The following RBFOX3 variants were observed in gnomAD, a reference collection of about 807,000 sequenced individuals.
The protein encoded by RBFOX3 is RNA binding fox-1 homolog 3.
In RBFOX3, 17 loss-of-function variants were observed where a neutral mutation model predicts 48.7. The ratio of observed to expected loss-of-function variants is 0.35; its 90% CI spans 0.24 to 0.52. The LOEUF is 0.52. Among genes scored for constraint, RBFOX3 ranks in the 20% least tolerant of loss-of-function variants. The pLI, the probability that RBFOX3 is intolerant of heterozygous loss-of-function variation, is 0.94. For missense variants in RBFOX3, 382 were observed against 497.5 expected, an observed-to-expected ratio of 0.77 and a Z score of 2.21; for synonymous variants, 212 against 209.5, an observed-to-expected ratio of 1.01 and a Z score of -0.10.
the RBFOX3 span, among the ~76,000 whole-genome samples, chr17:79,626,234 A>C: frequency 6.6e-6 from 1 of 152,108 alleles, no homozygotes; most frequent in Non-Finnish European, 1.5e-5. Context: ...ATCCTCCAAA[A>C]GTTAGCATCT....
At chr17:79,395,317 G>T (rs1376182249) in intron 2 of RBFOX3, among the ~76,000 whole-genome samples, 1 of 152,224 alleles carries the variant, frequency 6.6e-6, no homozygotes, top group Non-Finnish European at 1.5e-5. Context: ...TAAGGGATGG[G>T]GCATTCCACA....
intron 2 of RBFOX3, among the ~76,000 whole-genome samples, chr17:79,427,543 G>C (rs1202963032): frequency 6.6e-6 from 1 of 152,226 alleles, no homozygotes; most frequent in African/African-American, 2.4e-5. Context: ...TGCTCCTGAT[G>C]AACACTGTCC....
intron 2 of RBFOX3, among the ~76,000 whole-genome samples, chr17:79,469,349 T>A (rs953789235): frequency 1.3e-5 from 2 of 152,182 alleles, no homozygotes; most frequent in African/African-American, 4.8e-5. Context: ...CTGGGGCCCC[T>A]TGGCCGCCCA....
chr17:79,512,411 G>A (rs1350321984), intron 1 of RBFOX3, among the ~76,000 whole-genome samples: 2 of 120,836 alleles, frequency 1.7e-5, no homozygotes, highest in African/African-American at 6.6e-5. Context: ...CATAGCCAGG[G>A]GACGCACACC....
rs1043963368 is a variant in RBFOX3, at chr17:79,443,850, G to T, written c.-175+38604C>A. On this transcript the variant is annotated intron_variant, in intron 2 of 14. Coordinates refer to ENST00000693108, the MANE Select transcript of RBFOX3 (RefSeq NM_001350451.2). This position sits in a 1 kb window ranked among gnomAD's most constrained non-coding sequence, Gnocchi z 4.4. The stretch of plus-strand genomic sequence containing the variant: ...ACCCTCTGGGATGATGGTGGGAGGG[G>T]CAGGCTGCAGAGAACTCAGAATGCC... Among the ~76,000 whole-genome samples, 1 of 152,136 alleles carries T rather than the reference G, an allele frequency of 6.6e-6. No homozygotes were observed. Among genetic ancestry groups the T allele is most frequent in the Non-Finnish European group, 1.5e-5 (1 of 68,024 alleles).
chr17:79,097,310 G>C lies in RBFOX3; in HGVS notation c.737C>G (p.Pro246Arg), dbSNP rs966508225. 1.3e-6 allele frequency: 2 copies of C among 1,544,196 alleles called. No individual in the cohort carries two copies. The highest frequency in any genetic ancestry group is 1.7e-6 in the Non-Finnish European group (2 of 1,143,264). Residue 246 changes from proline (P) to arginine (R), a missense_variant, in exon 11 of 15, where the codon CCC becomes CGC. This residue lies in a region of RBFOX3 where 215 missense variants were observed against 254.8 expected (regional missense o/e 0.84). Coordinates refer to ENST00000693108, the MANE Select transcript of RBFOX3 (RefSeq NM_001350451.2). ...NTFRAAPPPP[P>R]IPTYGAALEQ... ...TACTCACGCTCCGTAAGTCGGGATG[G>C]GGGGTGGGGGTGGCGCAGCCCGAAA... is the stretch of plus-strand genomic sequence containing the variant.
At chr17:79,404,441 C>T (rs2063284602) in intron 2 of RBFOX3, among the ~76,000 whole-genome samples, 1 of 152,246 alleles carries the variant, frequency 6.6e-6, no homozygotes, top group Non-Finnish European at 1.5e-5. Flanking sequence ...CACGGCCCCA[C>T]TCTGCTGCAA....
At chr17:79,457,943 C>A (rs1324881146) in intron 2 of RBFOX3, among the ~76,000 whole-genome samples, 1 of 152,224 alleles carries the variant, frequency 6.6e-6, no homozygotes. Context: ...GGTGGGGAGC[C>A]AGAGGTCCTT....
chr17:79,231,903 G>A (rs1298140143), intron 4 of RBFOX3, among the ~76,000 whole-genome samples: 1 of 152,214 alleles, frequency 6.6e-6, no homozygotes, highest in Non-Finnish European at 1.5e-5. Context: ...AAATACCCAA[G>A]ACTGAGTAAT....
At chr17:79,659,837 C>T in the RBFOX3 span, among the ~76,000 whole-genome samples, 2 of 152,132 alleles carry the variant, frequency 1.3e-5, no homozygotes, top group African/African-American at 4.8e-5. Context: ...CTTCCCTCCC[C>T]TTCCCCCCAG....
intron 1 of RBFOX3, among the ~76,000 whole-genome samples, chr17:79,608,838 T>A (rs1599285030): frequency 1.3e-5 from 2 of 152,100 alleles, no homozygotes; most frequent in African/African-American, 4.8e-5. Flanking sequence ...GGGGCCAGCC[T>A]CGGTCCTCGG....
rs551172126 is a variant in RBFOX3 at position 79,250,643 on chromosome 17, C to T, written c.-73-14838G>A. Among the ~76,000 whole-genome samples, 345 of 152,294 alleles carry T rather than the reference C, an allele frequency of 2.3e-3. 1 individual carries two copies. Among genetic ancestry groups the T allele is most frequent in the African/African-American group, 7.6e-3 (316 of 41,564 alleles). On this transcript the variant is annotated intron_variant, in intron 3 of 14. Coordinates refer to ENST00000693108, the MANE Select transcript of RBFOX3 (RefSeq NM_001350451.2). ...ATATGCCCTCCCAGGCTTTGAGGAC[C>T]TCTGATTTATAAAAATAAAGCAGCG...
chr17:79,474,973 C>T (rs1319603504), intron 2 of RBFOX3, among the ~76,000 whole-genome samples: 1 of 152,190 alleles, frequency 6.6e-6, no homozygotes, highest in Non-Finnish European at 1.5e-5. Flanking sequence ...CCTCTCCTGG[C>T]CCAGCTCTAC....
At chr17:79,155,796 C>T (rs2045652155) in intron 4 of RBFOX3, among the ~76,000 whole-genome samples, 1 of 152,128 alleles carries the variant, frequency 6.6e-6, no homozygotes, top group South Asian at 2.1e-4. Context: ...GCAGCCCACC[C>T]CTGCACCCCC....
rs1459754625 is a variant in RBFOX3 at position 79,479,223 on chromosome 17, A to G, written c.-175+3231T>C. On this transcript the variant is annotated intron_variant, in intron 2 of 14. Coordinates refer to ENST00000693108, the MANE Select transcript of RBFOX3 (RefSeq NM_001350451.2). The surrounding 1 kb of genome is among the most constrained non-coding windows in gnomAD (Gnocchi z 5.1). ...CACATGCCAGAGCTCTGGTAGCCCA[A>G]GGGGTGGTTTTGGCGGCCCCTTCTC... 6.6e-6 allele frequency among the ~76,000 whole-genome samples: 1 copy of G among 152,208 alleles called. No individual in the cohort carries two copies. Among genetic ancestry groups the G allele is most frequent in the Non-Finnish European group, 1.5e-5 (1 of 68,026 alleles).
chr17:79,276,717 A>C (rs960643865), intron 3 of RBFOX3, among the ~76,000 whole-genome samples: 1 of 152,158 alleles, frequency 6.6e-6, no homozygotes, highest in African/African-American at 2.4e-5. Context: ...AACAAACAAC[A>C]AAAACCAAAA....
At chr17:79,308,395 C>G (rs994899514) in intron 2 of RBFOX3, among the ~76,000 whole-genome samples, 1 of 152,188 alleles carries the variant, frequency 6.6e-6, no homozygotes, top group African/African-American at 2.4e-5. Context: ...AGTGTCACCA[C>G]GAGCAGCTGT....
At chr17:79,367,272 TCTC>T (rs1417778610) in intron 2 of RBFOX3, among the ~76,000 whole-genome samples, 6 of 123,390 alleles carry the variant, frequency 4.9e-5, no homozygotes, top group Non-Finnish European at 6.7e-5. Context: ...TCTTCTTTCA[TCTC>T]CTCCTCCTCC....
chr17:79,508,468 CTTG>C (rs1265556916), intron 1 of RBFOX3, among the ~76,000 whole-genome samples: 17 of 152,216 alleles, frequency 1.1e-4, no homozygotes, highest in Non-Finnish European at 1.6e-4. Flanking sequence ...CACTGCCTCC[CTTG>C]TTGTTATTCT....
Sources: allele counts gnomAD v4.1 joint callset (sites outside exome capture counted in the v4.1 genomes callset), GRCh38; gene constraint gnomAD v4.1.1; regional missense constraint gnomAD v4.1.1; non-coding constraint Gnocchi (gnomAD v3.1); transcripts MANE v1.5; gene names NCBI Gene and HGNC (gene_info 2026-07-23, HGNC 2026-07-21).